Variants in PSMG2 observed in about 807,000 individuals in gnomAD.
PSMG2 encodes the protein CD40 ligand-activated specific transcript 3.
A neutral mutation model predicts 31.5 loss-of-function variants in PSMG2; 21 were observed. The observed-to-expected ratio is 0.67, with a 90% CI of 0.47 to 0.96. The LOEUF (loss-of-function observed/expected upper bound fraction) is 0.96. Among genes scored for constraint, PSMG2 ranks in the 40% least tolerant of loss-of-function variants. The probability of loss-of-function intolerance (pLI) is 0.00; values close to 1 mark genes in which losing one functional copy is unlikely to be tolerated. For synonymous variants in PSMG2, 120 were observed against 110.4 expected (o/e 1.09, Z -0.54); for missense variants, 318 against 321.2 (o/e 0.99, Z 0.08).
chr18:12,722,028 A>G (rs1463698023), intron 5 of PSMG2, among the ~76,000 whole-genome samples: 3 of 151,964 alleles, frequency 2.0e-5, no homozygotes, highest in Non-Finnish European at 4.4e-5. Flanking sequence ...CTAAGAGTCA[A>G]CTTACCCTTC....
chr18:12,685,338 T>C (rs2039505053), intron 1 of PSMG2: 2 of 152,112 alleles, frequency 1.3e-5, no homozygotes, highest in African/African-American at 4.8e-5. Context: ...TCTGAGCAAA[T>C]TGCAACACAT....
At chr18:12,712,348 A>G (rs1339812192) in intron 2 of PSMG2, among the ~76,000 whole-genome samples, 1 of 152,214 alleles carries the variant, frequency 6.6e-6, no homozygotes, top group African/African-American at 2.4e-5. Context: ...GAGAATATCA[A>G]AAGCCAAAAA....
chr18:12,699,170 A>T, upstream of PSMG2: 3 of 1,614,014 alleles, frequency 1.9e-6, no homozygotes, highest in Non-Finnish European at 2.5e-6. Context: ...CAAAACCTGA[A>T]GGTAAAGATA....
chr18:12,705,456 G>T (rs1177274031), intron 1 of PSMG2, among the ~76,000 whole-genome samples: 1 of 152,052 alleles, frequency 6.6e-6, no homozygotes, highest in Non-Finnish European at 1.5e-5. Context: ...ACCTAACCAT[G>T]TGGAGACGTC....
chr18:12,697,449 T>C (rs928749691), intron 1 of PSMG2: 1 of 1,325,824 alleles, frequency 7.5e-7, no homozygotes, highest in African/African-American at 1.5e-5. Context: ...ACACTACATA[T>C]TCAGTTAGGC....
intron 4 of PSMG2, among the ~76,000 whole-genome samples, chr18:12,719,840 C>T (rs945522257): frequency 6.7e-6 from 1 of 149,086 alleles, no homozygotes; most frequent in South Asian, 2.1e-4. Flanking sequence ...TCTCCTGCCT[C>T]AGCCTCCCGA....
intron 2 of PSMG2, among the ~76,000 whole-genome samples, chr18:12,708,904 G>T (rs961733265): frequency 1.3e-5 from 2 of 151,120 alleles, no homozygotes; most frequent in African/African-American, 4.9e-5. Context: ...TAAAGATGGG[G>T]TTTCGCCATG....
chr18:12,701,873 G>A (rs2040165015), upstream of PSMG2, among the ~76,000 whole-genome samples: 5 of 152,212 alleles, frequency 3.3e-5, no homozygotes, highest in Admixed American at 2.6e-4. Flanking sequence ...GCTCACGCCT[G>A]TAATCCCAGC....
intron 1 of PSMG2, among the ~76,000 whole-genome samples, chr18:12,687,082 A>C (rs1313194967): frequency 6.6e-6 from 1 of 152,158 alleles, no homozygotes; most frequent in African/African-American, 2.4e-5. Context: ...ACTGTCTACC[A>C]CTGTGATTTT....
At chr18:12,703,553 A>G (rs887553567) in intron 1 of PSMG2, among the ~76,000 whole-genome samples, 6 of 152,260 alleles carry the variant, frequency 3.9e-5, no homozygotes, top group East Asian at 1.9e-4. Flanking sequence ...CTGATAGGGC[A>G]ATAAACATTA....
intron 1 of PSMG2, among the ~76,000 whole-genome samples, chr18:12,680,318 G>A (rs1019105465): frequency 4.0e-5 from 6 of 151,898 alleles, no homozygotes; most frequent in Admixed American, 1.3e-4. Flanking sequence ...AACTTAAGCC[G>A]GACACAGTGG....
chr18:12,694,966 C>T (rs1013255934), intron 1 of PSMG2, among the ~76,000 whole-genome samples: 2 of 151,984 alleles, frequency 1.3e-5, no homozygotes, highest in African/African-American at 2.4e-5. Flanking sequence ...CCGCCCGCCT[C>T]GGCCTCCCAA....
intron 1 of PSMG2, among the ~76,000 whole-genome samples, chr18:12,659,595 G>A (rs2144930435): frequency 6.6e-6 from 1 of 152,194 alleles, no homozygotes; most frequent in South Asian, 2.1e-4. Flanking sequence ...GCTTGAACCT[G>A]GGAGGTGGAA....
chr18:12,710,016 C>T (rs1477579060), intron 2 of PSMG2, among the ~76,000 whole-genome samples: 1 of 150,520 alleles, frequency 6.6e-6, no homozygotes, highest in Non-Finnish European at 1.5e-5. Context: ...GATCTCGGCT[C>T]ACTGCAAGCT....
At chr18:12,660,887 A>G (rs1457433207) in intron 1 of PSMG2, among the ~76,000 whole-genome samples, 1 of 152,240 alleles carries the variant, frequency 6.6e-6, no homozygotes, top group Non-Finnish European at 1.5e-5. Flanking sequence ...CTCTACACAA[A>G]ATAAAGGAAA....
intron 1 of PSMG2, chr18:12,697,143 A>C: frequency 9.5e-7 from 1 of 1,049,674 alleles, no homozygotes; most frequent in Middle Eastern, 2.2e-4. Flanking sequence ...GGATTATAAA[A>C]GCATTTTAAA....
chr18:12,705,255 G>T (rs1055313519), intron 1 of PSMG2, among the ~76,000 whole-genome samples: 3 of 152,000 alleles, frequency 2.0e-5, no homozygotes, highest in Non-Finnish European at 4.4e-5. Context: ...GTAGAGACAG[G>T]GTTTCACCAT....
chr18:12,699,208 A>G (rs757477680), upstream of PSMG2: 27 of 1,583,484 alleles, frequency 1.7e-5, no homozygotes, highest in East Asian at 8.9e-5. Context: ...TATTAGCTGT[A>G]AAGTGTAGCA....
In PSMG2 at chr18:12,703,098, C is replaced by T. The variant is rs759928842; in HGVS notation, c.-10C>T. On this transcript the variant is annotated 5_prime_UTR_variant, in exon 1 of 7. Transcript: ENST00000317615. ...CGCGGTTAGTCCCTGCTGGCCACCCCACTGCGACCATGTTCGTTCCCTGCG... is the reference window on the plus strand; with the variant it reads ...CGCGGTTAGTCCCTGCTGGCCACCCTACTGCGACCATGTTCGTTCCCTGCG... 6.6e-5 allele frequency: 106 copies of T among 1,611,860 alleles called. No individual in the cohort carries two copies. The highest frequency in any genetic ancestry group is 8.0e-5 in the Non-Finnish European group (94 of 1,179,382).
Sources: gnomAD v4.1 joint callset for allele counts (sites outside exome capture counted in the v4.1 genomes callset) on GRCh38, gnomAD v4.1.1 for gene constraint, MANE v1.5 for transcripts, NCBI Gene and HGNC (gene_info 2026-07-23, HGNC 2026-07-21) for gene names.